The following ATP1A3 variants were observed in gnomAD, a reference collection of about 807,000 sequenced individuals.
ATP1A3 encodes the protein ATPase Na+/K+ transporting subunit alpha 3, also known as sodium/potassium-transporting ATPase subunit alpha-3.
A neutral mutation model predicts 108.8 loss-of-function variants in ATP1A3; 12 were observed. That is an observed-to-expected ratio of 0.11 (90% confidence interval 0.07 to 0.18). The LOEUF is 0.18. Among genes scored for constraint, ATP1A3 ranks in the 10% least tolerant of loss-of-function variants. The pLI is 1.00. For synonymous variants in ATP1A3, 539 were observed against 564.5 expected (o/e 0.95, Z 0.64); for missense variants, 498 against 1,387.7 (o/e 0.36, Z 10.19).
intron 8 of ATP1A3, among the ~76,000 whole-genome samples, chr19:41,982,945 C>T (rs750051695): frequency 2.8e-4 from 43 of 152,154 alleles, no homozygotes; most frequent in African/African-American, 8.9e-4. Flanking sequence ...GACGCAGTCT[C>T]GTTGCAGCTG....
rs1555862070 is a variant in ATP1A3 at position 41,978,139 on chromosome 19, C to G, written c.1806+12G>C. 2 of 1,614,216 alleles carry G rather than the reference C, an allele frequency of 1.2e-6. No homozygotes were observed. The highest frequency in any genetic ancestry group is 1.7e-6 in the Non-Finnish European group (2 of 1,180,044). On this transcript the variant is annotated intron_variant, in intron 13 of 22. Transcript: ENST00000648268. The surrounding 1 kb of genome is among the most constrained non-coding windows in gnomAD (Gnocchi z 8.3). ...GCCTGGCTTTGCCTCCCCCAGCCAC[C>G]CCAAGCCACACCTTGATGCCTGCGC... is the stretch of plus-strand genomic sequence containing the variant.
chr19:41,977,953 G>A lies in ATP1A3; in HGVS notation c.1926C>T (p.Val642=). Reference sequence around the variant, plus strand: ...TGGCTCACCGGGGGTTAACCTGGCTGACGGGAATGTTGAGCCGGGCGGCGA... The same window carrying A: ...TGGCTCACCGGGGGTTAACCTGGCTAACGGGAATGTTGAGCCGGGCGGCGA... The part of the protein sequence containing the change: ...EDIAARLNIP[V]SQVNPRDAKA... The change falls in exon 14 of 23, where the codon GTC becomes GTT. Residue 642 remains valine, a synonymous_variant. Transcript: ENST00000648268. 1 of 1,614,236 alleles carries A rather than the reference G, an allele frequency of 6.2e-7. No homozygotes were observed. Among genetic ancestry groups the A allele is most frequent in the Non-Finnish European group, 8.5e-7 (1 of 1,180,028 alleles).
At position 41,994,106 on chromosome 19, in the gene ATP1A3, C is replaced by A. The variant is rs781931615; in HGVS notation, c.-30G>T. On this transcript the variant is annotated 5_prime_UTR_variant, in exon 1 of 23. Transcript: ENST00000648268. ...GCGGCTCCGCGGCGAGAGAGCCAGG[C>A]GGGCGGGGCGGGGACCTCGGGGCGG... 1.9e-6 allele frequency: 3 copies of A among 1,571,522 alleles called. No individual in the cohort carries two copies. Among genetic ancestry groups the A allele is most frequent in the Admixed American group, 3.6e-5 (2 of 55,518 alleles).
chr19:41,969,041 G>T, intron 19 of ATP1A3, 126 bp from the exon 20 acceptor site: 1 of 1,415,956 alleles, frequency 7.1e-7, no homozygotes, highest in African/African-American at 1.4e-5. Context: ...CCTCAGGTGT[G>T]TCTTCCTTCT....
chr19:41,983,583 A>AT (rs1555864216), intron 8 of ATP1A3, among the ~76,000 whole-genome samples: 4 of 144,822 alleles, frequency 2.8e-5, no homozygotes, highest in African/African-American at 5.0e-5. Context: ...AATAATAATA[A>AT]TAATTATTAT....
chr19:41,978,271 G>A lies in ATP1A3; in HGVS notation c.1686C>T (p.Asp562=), dbSNP rs2075193391. The A allele has an allele frequency of 6.2e-7, 1 of 1,613,224 alleles. No homozygotes were observed. The highest frequency in any genetic ancestry group is 2.2e-5 in the East Asian group (1 of 44,848). The change falls in exon 13 of 23, where the codon GAC becomes GAT. Residue 562 remains aspartate, a synonymous_variant. Transcript: ENST00000648268. This position sits in a 1 kb window ranked among gnomAD's most constrained non-coding sequence, Gnocchi z 8.3. ...CCGTGGTGAAGTTCACGTCATCACAGTCGAAGGCAAAGCCCTTGGGGAACT... is the reference window on the plus strand; with the variant it reads ...CCGTGGTGAAGTTCACGTCATCACAATCGAAGGCAAAGCCCTTGGGGAACT... ...EEQFPKGFAF[D]CDDVNFTTDN...
intron 16 of ATP1A3, among the ~76,000 whole-genome samples, chr19:41,974,541 T>A (rs2075145997): frequency 6.6e-6 from 1 of 152,182 alleles, no homozygotes; most frequent in Admixed American, 6.5e-5. Context: ...GGACATTTAA[T>A]CTGTTACTCT....
intron 1 of ATP1A3, among the ~76,000 whole-genome samples, chr19:41,990,301 C>A (rs2075324542): frequency 6.6e-6 from 1 of 151,280 alleles, no homozygotes; most frequent in South Asian, 2.1e-4. Flanking sequence ...CTCTGAATCT[C>A]TCTTTCTCTC....
chr19:41,978,905 A>C lies in ATP1A3; in HGVS notation c.1438-107T>G, dbSNP rs965063464. On this transcript the variant is annotated intron_variant, in intron 11 of 22. Coordinates refer to ENST00000648268, the MANE Select transcript of ATP1A3 (RefSeq NM_152296.5). This position sits in a 1 kb window ranked among gnomAD's most constrained non-coding sequence, Gnocchi z 8.3. ...GCCACGGGTGCCAGGATAGGCCCAC[A>C]CCAGGGCTCCCCCACACTCTCTCAC... The C allele has an allele frequency of 9.2e-5, 99 of 1,074,636 alleles. No homozygotes were observed. Among genetic ancestry groups the C allele is most frequent in the Non-Finnish European group, 1.3e-4 (94 of 724,912 alleles). 66.6% of individuals were successfully genotyped at this position (1,074,636 alleles called of 1,614,324 possible). A position where few individuals can be genotyped will look rare whatever the true frequency, so the allele number is the denominator to read the frequency against.
In ATP1A3 at chr19:41,966,901, G is replaced by C. The variant is rs1555858702; in HGVS notation, c.*36C>G. ...GACAGGGGCGGTCCTGGGCCTGGGG[G>C]ACGGGGAAGAGATGGGCGATGTGGT... On this transcript the variant is annotated 3_prime_UTR_variant, in exon 23 of 23. Transcript: ENST00000648268. 2 of 1,551,032 alleles carry C rather than the reference G, an allele frequency of 1.3e-6. No individual in the cohort carries two copies. Among genetic ancestry groups the C allele is most frequent in the Admixed American group, 3.9e-5 (2 of 50,956 alleles).
chr19:41,970,549 C>T lies in ATP1A3; in HGVS notation c.2264-7G>A. On this transcript the variant is annotated splice_region_variant and splice_polypyrimidine_tract_variant and intron_variant, in intron 16 of 22. Coordinates refer to ENST00000648268, the MANE Select transcript of ATP1A3 (RefSeq NM_152296.5). ...TTGTCGAAGATCAGGCGGCCTGTGG[C>T]ACAGGCAGGCTCAGAGCAGGCGCCC... The T allele has an allele frequency of 1.2e-6, 2 of 1,613,466 alleles. No homozygotes were observed. Among genetic ancestry groups the T allele is most frequent in the South Asian group, 1.1e-5 (1 of 91,068 alleles).
chr19:41,986,368 G>A, intron 4 of ATP1A3, 139 bp from the exon 5 acceptor site: 1 of 743,024 alleles, frequency 1.3e-6, no homozygotes, highest in Non-Finnish European at 2.3e-6. Flanking sequence ...TTGGTTATGA[G>A]GGTTGGTGTG....
intron 18 of ATP1A3, 65 bp downstream of exon 18, chr19:41,970,120 G>A: frequency 2.5e-6 from 4 of 1,613,604 alleles, no homozygotes; most frequent in Non-Finnish European, 3.4e-6. Flanking sequence ...AGCACCCACG[G>A]TGGGCCAGGC....
rs886054474 is a variant in ATP1A3, at chr19:41,978,238, G to T, written c.1719C>A (p.Leu573=). 1.9e-6 allele frequency: 3 copies of T among 1,614,162 alleles called. No homozygotes were observed. In the African/African-American group the frequency reaches 4.0e-5, roughly 22 times the overall value. The part of the protein sequence containing the change: ...CDDVNFTTDN[L]CFVGLMSMID... ...TCATGGACATGAGGCCCACAAAGCA[G>T]AGGTTGTCCGTGGTGAAGTTCACGT... The change falls in exon 13 of 23, where the codon CTC becomes CTA. Residue 573 remains leucine (L), a synonymous_variant. Transcript: ENST00000648268. The surrounding 1 kb of genome is among the most constrained non-coding windows in gnomAD (Gnocchi z 8.3).
chr19:41,988,592 A>G lies in ATP1A3; in HGVS notation c.7-30T>C. Reference sequence around the variant, plus strand: ...GAGGTGGCGATACGATAGCTGTCAGAGCCACCAGACTGCGGGCGAGAAGGG... The same window carrying G: ...GAGGTGGCGATACGATAGCTGTCAGGGCCACCAGACTGCGGGCGAGAAGGG... On this transcript the variant is annotated intron_variant, in intron 1 of 22. Transcript: ENST00000648268. The surrounding 1 kb of genome is among the most constrained non-coding windows in gnomAD (Gnocchi z 5.3). 1 of 1,614,010 alleles carries G rather than the reference A, an allele frequency of 6.2e-7. No homozygotes were observed. Among genetic ancestry groups the G allele is most frequent in the Non-Finnish European group, 8.5e-7 (1 of 1,180,022 alleles).
At chr19:41,972,015 C>T (rs1306602780) in intron 16 of ATP1A3, among the ~76,000 whole-genome samples, 3 of 151,962 alleles carry the variant, frequency 2.0e-5, no homozygotes, top group Non-Finnish European at 4.4e-5. Flanking sequence ...TTTGGGAGAC[C>T]GAAGCAGGAG....
At chr19:41,984,654 T>C in intron 8 of ATP1A3, 1 of 456,748 alleles carries the variant, frequency 2.2e-6, no homozygotes. Flanking sequence ...TTTGTTTCTT[T>C]CTTTGATTGT....
chr19:41,980,386 G>T (rs2145969212), intron 11 of ATP1A3, among the ~76,000 whole-genome samples: 1 of 152,232 alleles, frequency 6.6e-6, no homozygotes, highest in South Asian at 2.1e-4. Flanking sequence ...GGCCGAGGTG[G>T]GTGGATCACT....
rs2075196857 is a variant in ATP1A3, at chr19:41,978,545, G to A, written c.1630+61C>T. On this transcript the variant is annotated intron_variant, in intron 12 of 22. Transcript: ENST00000648268. This position sits in a 1 kb window ranked among gnomAD's most constrained non-coding sequence, Gnocchi z 8.3. ...AGGCCCTGGGCTGAGACAGGCTTTG[G>A]GCAGCATCACAACCCTCCTTGCCCT... The A allele has an allele frequency of 1.2e-6, 2 of 1,600,782 alleles. No individual in the cohort carries two copies. The highest frequency in any genetic ancestry group is 2.7e-5 in the African/African-American group (2 of 74,696).
Sources: gnomAD v4.1 joint callset for allele counts (sites outside exome capture counted in the v4.1 genomes callset) on GRCh38, gnomAD v4.1.1 for gene constraint, Gnocchi (gnomAD v3.1) non-coding constraint, MANE v1.5 for transcripts, NCBI Gene and HGNC (gene_info 2026-07-23, HGNC 2026-07-21) for gene names.